The following CCDC3 variants were observed in gnomAD, a reference collection of about 807,000 sequenced individuals.
The protein encoded by CCDC3 is coiled-coil domain containing 3, also known as coiled-coil domain-containing protein 3.
CCDC3 carries 24 observed loss-of-function variants against 21.4 expected under a neutral mutation model. The ratio of observed to expected loss-of-function variants is 1.12; its 90% CI spans 0.81 to 1.58. The LOEUF is 1.58. Ranked by LOEUF, CCDC3 falls within the 40% of genes most tolerant of loss-of-function variation. The probability of loss-of-function intolerance (pLI) is 0.00; values close to 1 mark genes in which losing one functional copy is unlikely to be tolerated. For missense variants in CCDC3, 425 were observed against 360.9 expected (o/e 1.18, Z -1.44); for synonymous variants, 186 against 166.0 (o/e 1.12, Z -0.93).
intron 2 of CCDC3, among the ~76,000 whole-genome samples, chr10:12,986,411 G>T (rs1589031274): frequency 6.6e-6 from 1 of 152,136 alleles, no homozygotes; most frequent in African/African-American, 2.4e-5. Flanking sequence ...CCTGGGACCC[G>T]TCTGTACATT....
intron 3 of CCDC3, among the ~76,000 whole-genome samples, chr10:13,077,512 T>C (rs1188423561): frequency 6.6e-6 from 1 of 152,158 alleles, no homozygotes; most frequent in African/African-American, 2.4e-5. Flanking sequence ...AAAACTACTT[T>C]AAAGTTCATA....
chr10:12,978,447 A>C (rs1835448911), intron 2 of CCDC3, among the ~76,000 whole-genome samples: 3 of 152,224 alleles, frequency 2.0e-5, no homozygotes, highest in South Asian at 4.1e-4. Flanking sequence ...GAATTATCCG[A>C]TGGAATCGGC....
At chr10:12,965,838 A>G (rs893053498) in intron 2 of CCDC3, among the ~76,000 whole-genome samples, 1 of 152,240 alleles carries the variant, frequency 6.6e-6, no homozygotes, top group Non-Finnish European at 1.5e-5. Flanking sequence ...TGACATACAC[A>G]CGTTGTAAAT....
chr10:12,974,992 T>A (rs1472096151), intron 2 of CCDC3, among the ~76,000 whole-genome samples: 1 of 152,212 alleles, frequency 6.6e-6, no homozygotes, highest in Admixed American at 6.5e-5. Flanking sequence ...ACCTCACATG[T>A]CACGTGACAA....
chr10:13,010,730 A>G (rs1036445972), intron 5 of CCDC3, among the ~76,000 whole-genome samples: 1 of 152,208 alleles, frequency 6.6e-6, no homozygotes, highest in Non-Finnish European at 1.5e-5. Flanking sequence ...CAGGTACATG[A>G]AAAAATAAAC....
intron 2 of CCDC3, among the ~76,000 whole-genome samples, chr10:12,937,915 A>G (rs376489784): frequency 2.0e-5 from 3 of 152,066 alleles, no homozygotes; most frequent in African/African-American, 7.2e-5. Flanking sequence ...ATCACCCAAG[A>G]TTTTGGTCCC....
At chr10:12,988,850 C>A (rs1309452310) in intron 2 of CCDC3, among the ~76,000 whole-genome samples, 4 of 152,162 alleles carry the variant, frequency 2.6e-5, no homozygotes, top group Admixed American at 1.3e-4. Context: ...AATGAAGGTA[C>A]AAATGAATAA....
intron 5 of CCDC3, among the ~76,000 whole-genome samples, chr10:13,034,240 G>C (rs1836346166): frequency 6.6e-6 from 1 of 151,188 alleles, no homozygotes; most frequent in African/African-American, 2.4e-5. Context: ...ACTATCGCAA[G>C]GGCAGAAAAC....
intron 2 of CCDC3, among the ~76,000 whole-genome samples, chr10:12,905,067 T>G (rs1834149778): frequency 6.6e-6 from 1 of 151,904 alleles, no homozygotes; most frequent in African/African-American, 2.4e-5. Flanking sequence ...GTGTACTTTC[T>G]GAAACGTAAA....
intron 4 of CCDC3, among the ~76,000 whole-genome samples, chr10:13,054,296 C>T (rs920467330): frequency 6.6e-6 from 1 of 152,106 alleles, no homozygotes; most frequent in Admixed American, 6.5e-5. Context: ...TGTACTTGAG[C>T]TGCCTCTGCC....
chr10:12,905,723 CGACT>C lies in CCDC3; in HGVS notation c.550-7048_550-7045del, dbSNP rs71386128. Among the ~76,000 whole-genome samples the C allele has an allele frequency of 3.2e-3, 491 of 152,342 alleles. 2 individuals are homozygous for C. Among genetic ancestry groups the C allele is most frequent in the Middle Eastern group, 0.017 (5 of 294 alleles). On this transcript the variant is annotated intron_variant, in intron 2 of 2. Transcript: ENST00000378825. ...ATTAACAAACCAGCTCTTCCCAGCACGACTGACTGTTTCTAAAATGCATCCCTTG... is the reference window on the plus strand; with the variant it reads ...ATTAACAAACCAGCTCTTCCCAGCACGACTGTTTCTAAAATGCATCCCTTG...
chr10:13,087,920 C>T (rs1837131560), intron 3 of CCDC3, among the ~76,000 whole-genome samples: 2 of 152,182 alleles, frequency 1.3e-5, no homozygotes, highest in South Asian at 4.1e-4. Flanking sequence ...GCAAGGACTT[C>T]ACGGATAGCA....
chr10:12,909,802 A>G (rs1353835040), intron 2 of CCDC3, among the ~76,000 whole-genome samples: 1 of 152,154 alleles, frequency 6.6e-6, no homozygotes, highest in African/African-American at 2.4e-5. Flanking sequence ...CACCTGACCC[A>G]TCTCTAATCT....
chr10:13,067,563 G>A (rs763341436), intron 4 of CCDC3, among the ~76,000 whole-genome samples: 8 of 152,132 alleles, frequency 5.3e-5, no homozygotes, highest in Admixed American at 1.3e-4. Flanking sequence ...ACCTTGCTGC[G>A]GGCCTCCATC....
At chr10:13,056,343 A>G (rs1836681210) in intron 4 of CCDC3, among the ~76,000 whole-genome samples, 1 of 152,234 alleles carries the variant, frequency 6.6e-6, no homozygotes, top group African/African-American at 2.4e-5. Context: ...TATTGGCCAC[A>G]ACTTGGACAT....
chr10:12,917,221 T>A (rs921518340), intron 2 of CCDC3, among the ~76,000 whole-genome samples: 4 of 129,190 alleles, frequency 3.1e-5, no homozygotes, highest in Non-Finnish European at 4.8e-5. Context: ...TTTGAGACAG[T>A]CTTGCTCTGT....
At position 13,092,758 on chromosome 10, in the gene CCDC3, T is replaced by C. The variant is rs574478160; in HGVS notation, c.-503+5767A>G. 2.0e-5 allele frequency among the ~76,000 whole-genome samples: 3 copies of C among 152,326 alleles called. No individual in the cohort carries two copies. The East Asian group carries it at 5.8e-4, about 29-fold the overall frequency. On this transcript the variant is annotated intron_variant, in intron 3 of 6. Coordinates refer to the CCDC3 transcript ENST00000378839. ...CCTTAGGAAAGAAAGAAGCAAAATG[T>C]TGCTGGCATCCAGCTGTGCAGATCT...
intron 2 of CCDC3, among the ~76,000 whole-genome samples, chr10:12,973,840 C>T (rs1589027001): frequency 6.6e-6 from 1 of 152,224 alleles, no homozygotes; most frequent in East Asian, 1.9e-4. Flanking sequence ...TTTCTTGCCA[C>T]ACAAGTAGTG....
chr10:13,025,506 AAATGACTTAGGGCGC>A (rs1836203039), intron 5 of CCDC3, among the ~76,000 whole-genome samples: 1 of 152,246 alleles, frequency 6.6e-6, no homozygotes, highest in African/African-American at 2.4e-5. Context: ...TTGGTTGAAC[AAATGACTTAGGGCGC>A]AATTGTCATT....
Sources: allele counts gnomAD v4.1 joint callset (sites outside exome capture counted in the v4.1 genomes callset), GRCh38; gene constraint gnomAD v4.1.1; transcripts MANE v1.5; gene names NCBI Gene and HGNC (gene_info 2026-07-23, HGNC 2026-07-21).